MAPKAP1: variants seen among roughly 807,000 people sequenced by gnomAD.
MAPKAP1 encodes the protein MAPK associated protein 1.
A neutral mutation model predicts 65.7 loss-of-function variants in MAPKAP1; 20 were observed. The ratio of observed to expected loss-of-function variants is 0.30; its 90% CI spans 0.21 to 0.44. The LOEUF (loss-of-function observed/expected upper bound fraction) is 0.44. Among genes scored for constraint, MAPKAP1 ranks in the 20% least tolerant of loss-of-function variants. The pLI, the probability that MAPKAP1 is intolerant of heterozygous loss-of-function variation, is 1.00. For synonymous variants in MAPKAP1, 222 were observed against 244.3 expected, an observed-to-expected ratio of 0.91 and a Z score of 0.85; for missense variants, 423 against 648.0, an observed-to-expected ratio of 0.65 and a Z score of 3.77.
At chr9:125,700,371 A>G (rs1224385260) in intron 1 of MAPKAP1, among the ~76,000 whole-genome samples, 2 of 152,236 alleles carry the variant, frequency 1.3e-5, no homozygotes, top group African/African-American at 4.8e-5. Flanking sequence ...TACACTTTGC[A>G]TCAATAATAA....
intron 5 of MAPKAP1, among the ~76,000 whole-genome samples, chr9:125,560,800 C>G (rs1001071679): frequency 2.0e-5 from 3 of 152,202 alleles, no homozygotes; most frequent in African/African-American, 7.2e-5. Flanking sequence ...TTGACTACTT[C>G]TGCACACTTC....
At chr9:125,443,049 C>T (rs952129724) in intron 11 of MAPKAP1, among the ~76,000 whole-genome samples, 2 of 152,178 alleles carry the variant, frequency 1.3e-5, no homozygotes, top group African/African-American at 2.4e-5. Flanking sequence ...CACTTTTCAT[C>T]TGGGAAATGG....
In MAPKAP1 at chr9:125,438,503, A is replaced by C. The variant is rs1006954386; in HGVS notation, c.*384T>G. 20 of 409,626 alleles carry C rather than the reference A, an allele frequency of 4.9e-5. No homozygotes were observed. Among genetic ancestry groups the C allele is most frequent in the Non-Finnish European group, 8.6e-6 (2 of 232,922 alleles). The allele number at this position is 409,626 out of a possible 1,614,324, so 25.4% of individuals were successfully genotyped here. Reference sequence around the variant, plus strand: ...GTACACCTGTTTATTAAAAGGAAAAACAGAAATGTACATTTTTGTTGTTTG... The same window carrying C: ...GTACACCTGTTTATTAAAAGGAAAACCAGAAATGTACATTTTTGTTGTTTG... On this transcript the variant is annotated 3_prime_UTR_variant, in exon 12 of 12. Transcript: ENST00000265960.
chr9:125,554,561 G>A (rs1830680954), intron 6 of MAPKAP1, among the ~76,000 whole-genome samples: 1 of 152,106 alleles, frequency 6.6e-6, no homozygotes, highest in African/African-American at 2.4e-5. Flanking sequence ...CACTTTGGGA[G>A]GCCGAGGCAG....
rs536925249 is a variant in MAPKAP1, at chr9:125,659,898, C to T, written c.350-2099G>A. Reference sequence around the variant, plus strand: ...ACTACTCCACCAAAGCAGCTTTTATCGAGGTCACCAATGATCCCTTTGTTG... The same window carrying T: ...ACTACTCCACCAAAGCAGCTTTTATTGAGGTCACCAATGATCCCTTTGTTG... On this transcript the variant is annotated intron_variant, in intron 3 of 11. Coordinates refer to ENST00000265960, the MANE Select transcript of MAPKAP1 (RefSeq NM_001006617.3). Among the ~76,000 whole-genome samples, 6 of 152,230 alleles carry T rather than the reference C, an allele frequency of 3.9e-5. 1 individual carries two copies. Among genetic ancestry groups the T allele is most frequent in the African/African-American group, 7.2e-5 (3 of 41,536 alleles).
chr9:125,574,922 T>C (rs1253515037), intron 5 of MAPKAP1, among the ~76,000 whole-genome samples: 2 of 152,248 alleles, frequency 1.3e-5, no homozygotes, highest in African/African-American at 4.8e-5. Flanking sequence ...ATCATCCTGC[T>C]AGTAGGCGTT....
intron 4 of MAPKAP1, among the ~76,000 whole-genome samples, chr9:125,635,497 C>T (rs1331141951): frequency 6.6e-6 from 1 of 152,226 alleles, no homozygotes; most frequent in Non-Finnish European, 1.5e-5. Context: ...CACTGCTCTA[C>T]TATTTGCTAA....
At chr9:125,672,674 A>C in intron 1 of MAPKAP1, 31 bp from the exon 2 acceptor site, 2 of 1,345,442 alleles carry the variant, frequency 1.5e-6, no homozygotes, top group East Asian at 4.6e-5. Context: ...GCAAATATTT[A>C]AGAATAAGGC....
intron 7 of MAPKAP1, chr9:125,521,435 G>C: frequency 9.0e-7 from 1 of 1,108,132 alleles, no homozygotes; most frequent in Non-Finnish European, 1.1e-6. Flanking sequence ...TTTACATACA[G>C]TTATCTGTTG....
At chr9:125,689,495 C>T (rs150747935) in intron 1 of MAPKAP1, among the ~76,000 whole-genome samples, 2,036 of 144,252 alleles carry the variant, frequency 0.014, 19 homozygotes, top group South Asian at 0.04. Flanking sequence ...GCCTATAATC[C>T]CTGCACTTTG....
chr9:125,655,546 T>G (rs2131747151), intron 4 of MAPKAP1, among the ~76,000 whole-genome samples: 1 of 152,336 alleles, frequency 6.6e-6, no homozygotes, highest in African/African-American at 2.4e-5. Flanking sequence ...TATTAATCAT[T>G]GAGATGTCAT....
At chr9:125,648,567 T>C (rs1833798642) in intron 4 of MAPKAP1, among the ~76,000 whole-genome samples, 1 of 152,216 alleles carries the variant, frequency 6.6e-6, no homozygotes, top group African/African-American at 2.4e-5. Flanking sequence ...AGTCTTCTGA[T>C]TCCCTGTCAG....
At position 125,466,380 on chromosome 9, in the gene MAPKAP1, G is replaced by A. The variant is rs115503639; in HGVS notation, c.1345+1592C>T. Among the ~76,000 whole-genome samples, 622 of 152,244 alleles carry A rather than the reference G, an allele frequency of 4.1e-3. 5 individuals carry two copies. Among genetic ancestry groups the A allele is most frequent in the African/African-American group, 0.014 (586 of 41,536 alleles). On this transcript the variant is annotated intron_variant, in intron 10 of 11. Transcript: ENST00000265960. ...GGGACTTAGGCAGTGTTTTACTGGT[G>A]CAGTGAGCCTCTTTGTTAAGGAAAA...
chr9:125,639,810 G>C (rs756109835), intron 4 of MAPKAP1, among the ~76,000 whole-genome samples: 5 of 152,146 alleles, frequency 3.3e-5, no homozygotes, highest in Non-Finnish European at 5.9e-5. Flanking sequence ...CAAAAGACCT[G>C]AATCAGAATT....
intron 10 of MAPKAP1, among the ~76,000 whole-genome samples, chr9:125,461,114 C>A (rs892276514): frequency 2.0e-5 from 3 of 152,234 alleles, no homozygotes; most frequent in African/African-American, 7.2e-5. Flanking sequence ...TGTTTAACAG[C>A]AGATTGTGGC....
chr9:125,560,380 G>A (rs544272906), intron 5 of MAPKAP1, among the ~76,000 whole-genome samples: 1 of 152,158 alleles, frequency 6.6e-6, no homozygotes, highest in East Asian at 1.9e-4. Context: ...GATCCCAGGA[G>A]TTCAAGACTA....
chr9:125,461,762 G>C (rs1464462659), intron 10 of MAPKAP1, among the ~76,000 whole-genome samples: 1 of 152,182 alleles, frequency 6.6e-6, no homozygotes, highest in Non-Finnish European at 1.5e-5. Context: ...CCTTGTTAGA[G>C]AATAAAAACA....
chr9:125,575,127 T>C (rs983233076), intron 5 of MAPKAP1, among the ~76,000 whole-genome samples: 5 of 152,188 alleles, frequency 3.3e-5, no homozygotes, highest in Non-Finnish European at 7.3e-5. Flanking sequence ...TGAGGCAGGA[T>C]GATTGCTTTA....
intron 1 of MAPKAP1, among the ~76,000 whole-genome samples, chr9:125,698,277 TAATA>T (rs1314209993): frequency 7.5e-5 from 3 of 39,970 alleles, no homozygotes; most frequent in East Asian, 1.2e-3. Flanking sequence ...ATATAATACA[TAATA>T]TATATAAATA....
Sources: gnomAD v4.1 joint callset for allele counts (sites outside exome capture counted in the v4.1 genomes callset) on GRCh38, gnomAD v4.1.1 for gene constraint, MANE v1.5 for transcripts, NCBI Gene and HGNC (gene_info 2026-07-23, HGNC 2026-07-21) for gene names.